RANBP2: variants seen among roughly 807,000 people sequenced by gnomAD.
RANBP2 encodes the protein RAN binding protein 2, also known as E3 SUMO-protein ligase RanBP2.
Under a neutral mutation model 303.6 loss-of-function variants are expected in RANBP2, and 57 were observed. The ratio of observed to expected loss-of-function variants is 0.19; its 90% CI spans 0.15 to 0.23. The LOEUF is 0.23. Ranked by LOEUF, RANBP2 falls within the 10% of genes least tolerant of loss-of-function variation. The probability of loss-of-function intolerance (pLI) is 1.00; values close to 1 mark genes in which losing one functional copy is unlikely to be tolerated. For missense variants in RANBP2, 3,138 were observed against 3,780.8 expected, an observed-to-expected ratio of 0.83 and a Z score of 4.46; for synonymous variants, 1,167 against 1,301.5, an observed-to-expected ratio of 0.90 and a Z score of 2.23.
chr2:109,610,852 A>G, the RANBP2 span, among the ~76,000 whole-genome samples: 2 of 152,246 alleles, frequency 1.3e-5, no homozygotes, highest in African/African-American at 4.8e-5. Context: ...AATTATTTGT[A>G]AATATAGATA....
chr2:108,805,118 AT>A, the RANBP2 span: 1 of 480,458 alleles, frequency 2.1e-6, no homozygotes, highest in Non-Finnish European at 3.4e-6. Context: ...GAAAATTTGG[AT>A]TACATTTGTT....
At chr2:108,974,536 C>G in the RANBP2 span, among the ~76,000 whole-genome samples, 22 of 151,328 alleles carry the variant, frequency 1.5e-4, no homozygotes, top group African/African-American at 5.4e-4. Flanking sequence ...TGGAGACCAG[C>G]CTGACCAACA....
At chr2:109,508,097 C>T in the RANBP2 span, among the ~76,000 whole-genome samples, 1 of 152,176 alleles carries the variant, frequency 6.6e-6, no homozygotes, top group Non-Finnish European at 1.5e-5. Context: ...CCCCATCTTA[C>T]AGCACAATGA....
chr2:109,543,259 C>CAGAG, the RANBP2 span: 1 of 152,426 alleles, frequency 6.6e-6, no homozygotes, highest in Non-Finnish European at 1.5e-5. Context: ...CCCTGGAAGA[C>CAGAG]AGAGTTTAAA....
chr2:109,690,472 G>T, the RANBP2 span, among the ~76,000 whole-genome samples: 3 of 152,198 alleles, frequency 2.0e-5, no homozygotes, highest in African/African-American at 7.2e-5. Context: ...TGGAAGGCAG[G>T]TTTGCCCTAA....
At chr2:108,814,859 C>T in the RANBP2 span, among the ~76,000 whole-genome samples, 3 of 151,920 alleles carry the variant, frequency 2.0e-5, no homozygotes, top group Non-Finnish European at 4.4e-5. Flanking sequence ...TGGTTTCAAT[C>T]TCCTGACCTC....
the RANBP2 span, among the ~76,000 whole-genome samples, chr2:109,415,428 G>A: frequency 9.9e-5 from 15 of 152,182 alleles, no homozygotes; most frequent in Non-Finnish European, 1.9e-4. Flanking sequence ...CCCAGCCATG[G>A]TAGACTCTGC....
chr2:108,846,521 A>T, the RANBP2 span, among the ~76,000 whole-genome samples: 3,007 of 151,624 alleles, frequency 0.02, 102 homozygotes, highest in African/African-American at 0.069. Context: ...CTACCGAAAA[A>T]AAAAAAAAAC....
the RANBP2 span, among the ~76,000 whole-genome samples, chr2:109,628,450 C>T: frequency 4.6e-5 from 7 of 151,688 alleles, no homozygotes; most frequent in South Asian, 4.2e-4. Context: ...GTGGAGATCG[C>T]GCCACTGCAC....
the RANBP2 span, among the ~76,000 whole-genome samples, chr2:109,666,547 T>G: frequency 6.6e-6 from 1 of 152,196 alleles, no homozygotes; most frequent in African/African-American, 2.4e-5. Context: ...AACATAAAAC[T>G]TAAATTAACC....
the RANBP2 span, among the ~76,000 whole-genome samples, chr2:109,100,742 G>A: frequency 2.6e-5 from 4 of 151,980 alleles, no homozygotes; most frequent in Admixed American, 2.6e-4. Flanking sequence ...TATAATAAAG[G>A]CAAATAATGT....
the RANBP2 span, among the ~76,000 whole-genome samples, chr2:109,767,503 G>A: frequency 5.0e-5 from 7 of 139,134 alleles, no homozygotes; most frequent in Admixed American, 7.7e-5. Context: ...ATTATGTCAG[G>A]CTAATCATAA....
chr2:109,284,137 T>G, the RANBP2 span, among the ~76,000 whole-genome samples: 5 of 152,282 alleles, frequency 3.3e-5, no homozygotes, highest in African/African-American at 1.2e-4. Context: ...CCTCAGGTAC[T>G]CAGCCCAGGG....
the RANBP2 span, among the ~76,000 whole-genome samples, chr2:109,763,284 T>C: frequency 6.6e-6 from 1 of 150,586 alleles, no homozygotes; most frequent in Non-Finnish European, 1.5e-5. Flanking sequence ...ATGTTTTAGC[T>C]CATTTAATTA....
At chr2:109,522,322 G>A in the RANBP2 span, among the ~76,000 whole-genome samples, 2 of 145,262 alleles carry the variant, frequency 1.4e-5, no homozygotes, top group Non-Finnish European at 3.0e-5. Flanking sequence ...ACGAAGTCTC[G>A]CTCTTGTCCC....
chr2:109,372,057 C>T, the RANBP2 span, among the ~76,000 whole-genome samples: 3 of 152,200 alleles, frequency 2.0e-5, no homozygotes, highest in Non-Finnish European at 4.4e-5. Context: ...GGGAAGAACC[C>T]GTCCCAAGGC....
At chr2:108,759,780 G>A (rs1031923946) in intron 18 of RANBP2, among the ~76,000 whole-genome samples, 1 of 152,094 alleles carries the variant, frequency 6.6e-6, no homozygotes, top group Non-Finnish European at 1.5e-5. Flanking sequence ...CTTTCCTGGG[G>A]CTTTTTTAGT....
At chr2:109,760,671 T>TCGGCGGCGGCGGCGGTAG in the RANBP2 span, among the ~76,000 whole-genome samples, 1 of 126,312 alleles carries the variant, frequency 7.9e-6, no homozygotes, top group Non-Finnish European at 1.7e-5. Flanking sequence ...GGCCCGAGCT[T>TCGGCGGCGGCGGCGGTAG]CGGCGGCGGC....
the RANBP2 span, among the ~76,000 whole-genome samples, chr2:109,043,868 G>C: frequency 7.9e-5 from 12 of 152,118 alleles, no homozygotes; most frequent in Non-Finnish European, 1.3e-4. Context: ...AAATAATTTG[G>C]GGGAACAGCC....
Sources: allele counts gnomAD v4.1 joint callset (sites outside exome capture counted in the v4.1 genomes callset), GRCh38; gene constraint gnomAD v4.1.1; transcripts MANE v1.5; gene names NCBI Gene and HGNC (gene_info 2026-07-23, HGNC 2026-07-21).